SCP2: variants seen among roughly 807,000 people sequenced by gnomAD.
SCP2 encodes SCP-2/3-oxoacyl-CoA thiolase.
A neutral mutation model predicts 71.4 loss-of-function variants in SCP2; 48 were observed. The ratio of observed to expected loss-of-function variants is 0.67; its 90% CI spans 0.53 to 0.86. The LOEUF is 0.86. SCP2 is among the 40% of genes least tolerant of loss of function. The pLI, the probability that SCP2 is intolerant of heterozygous loss-of-function variation, is 0.00. For missense variants in SCP2, 560 were observed against 655.6 expected (o/e 0.85, Z 1.59); for synonymous variants, 220 against 218.1 (o/e 1.01, Z -0.08).
chr1:52,949,878 C>T (rs1655137586), intron 3 of SCP2, among the ~76,000 whole-genome samples: 1 of 152,170 alleles, frequency 6.6e-6, no homozygotes, highest in Non-Finnish European at 1.5e-5. Context: ...ATAAATTTTG[C>T]TTCTAAGAGA....
At chr1:52,934,592 C>CTTTTTTTTTTTTTTTTTTTTTTTTTTTTT (rs771433635) in intron 1 of SCP2, among the ~76,000 whole-genome samples, 2 of 29,036 alleles carry the variant, frequency 6.9e-5, no homozygotes, top group African/African-American at 1.0e-4. Context: ...TTCCAGCTAA[C>CTTTTTTTTTTTTTTTTTTTTTTTTTTTTT]TTTTTTTTTT....
chr1:52,940,734 T>G (rs573407125), intron 1 of SCP2, among the ~76,000 whole-genome samples: 2 of 152,156 alleles, frequency 1.3e-5, no homozygotes, highest in Admixed American at 6.5e-5. Flanking sequence ...ACTTTTATGT[T>G]CATATCACTT....
At chr1:52,946,110 G>A (rs1453521286) in intron 2 of SCP2, among the ~76,000 whole-genome samples, 1 of 151,362 alleles carries the variant, frequency 6.6e-6, no homozygotes, top group African/African-American at 2.4e-5. Flanking sequence ...TGTATTTTTG[G>A]TAGAGACAGG....
At chr1:53,001,270 AG>A (rs1159827580) in intron 11 of SCP2, among the ~76,000 whole-genome samples, 1 of 152,160 alleles carries the variant, frequency 6.6e-6, no homozygotes, top group Non-Finnish European at 1.5e-5. Context: ...AAGTATGAAG[AG>A]GAGAAAAAGG....
rs185060206 is a variant in SCP2 at position 52,987,900 on chromosome 1, A to G, written c.974-129A>G. ...CTTTTAAAAGTGCTTATGTCAAATTATTGTTAGTTTGAACTGTTAAGAAAT... is the reference window on the plus strand; with the variant it reads ...CTTTTAAAAGTGCTTATGTCAAATTGTTGTTAGTTTGAACTGTTAAGAAAT... On this transcript the variant is annotated intron_variant, in intron 10 of 15. Transcript: ENST00000371514. 2.2e-3 allele frequency: 1,449 copies of G among 655,320 alleles called. 5 individuals are homozygous for G. The highest frequency in any genetic ancestry group is 3.2e-3 in the Non-Finnish European group (1,163 of 360,444). The allele number at this position is 655,320 out of a possible 1,614,324, so 40.6% of individuals were successfully genotyped here.
rs554683342 is a variant in SCP2 at position 52,929,774 on chromosome 1, C to G, written c.69+2309C>G. Reference sequence around the variant, plus strand: ...AGTAGCTGGGACTACAGGTGCCCACCACCACGTCCGGCTAATTTTTTGTAT... The same window carrying G: ...AGTAGCTGGGACTACAGGTGCCCACGACCACGTCCGGCTAATTTTTTGTAT... On this transcript the variant is annotated intron_variant, in intron 1 of 15. Transcript: ENST00000371514. 1.9e-3 allele frequency among the ~76,000 whole-genome samples: 287 copies of G among 152,264 alleles called. 3 individuals carry two copies. Among genetic ancestry groups the G allele is most frequent in the Non-Finnish European group, 1.4e-3 (95 of 68,022 alleles).
At chr1:52,939,814 T>C (rs916668419) in intron 1 of SCP2, among the ~76,000 whole-genome samples, 8 of 152,018 alleles carry the variant, frequency 5.3e-5, no homozygotes, top group African/African-American at 1.9e-4. Flanking sequence ...GGATTATAGG[T>C]GCTGGCCACC....
At chr1:52,991,513 G>T (rs1458152459) in intron 11 of SCP2, among the ~76,000 whole-genome samples, 1 of 151,730 alleles carries the variant, frequency 6.6e-6, no homozygotes, top group Non-Finnish European at 1.5e-5. Context: ...CGATTCTTCT[G>T]CCTCAGCCTC....
intron 12 of SCP2, among the ~76,000 whole-genome samples, chr1:53,015,453 T>A (rs1471260599): frequency 6.6e-6 from 1 of 152,200 alleles, no homozygotes; most frequent in Non-Finnish European, 1.5e-5. Context: ...GATGCTAGAA[T>A]TCTTTTTGTC....
chr1:52,931,081 C>A (rs1173931254), intron 1 of SCP2, among the ~76,000 whole-genome samples: 1 of 152,164 alleles, frequency 6.6e-6, no homozygotes, highest in East Asian at 1.9e-4. Flanking sequence ...TTGGTGCTTT[C>A]CATATCCCAC....
At position 53,050,568 on chromosome 1, in the gene SCP2, C is replaced by CA. The variant is rs747469417; in HGVS notation, c.1549-34dup. The CA allele has an allele frequency of 1.2e-5, 16 of 1,360,400 alleles. No individual in the cohort carries two copies. The East Asian group carries it at 2.3e-4, about 19-fold the overall frequency. The allele number at this position is 1,360,400 out of a possible 1,614,324, so 84.3% of individuals were successfully genotyped here. ...TGTAGAAACATCAGCAATCTTAAAACAAAAAAACACCAAGTAATGAATTTT... is the reference window on the plus strand; with the variant it reads ...TGTAGAAACATCAGCAATCTTAAAACAAAAAAAACACCAAGTAATGAATTTT... On this transcript the variant is annotated intron_variant, in intron 15 of 15. Transcript: ENST00000371514.
intron 11 of SCP2, chr1:52,993,632 C>G: frequency 2.5e-6 from 4 of 1,612,426 alleles, no homozygotes; most frequent in Non-Finnish European, 2.5e-6. Context: ...CCGGGCTGCT[C>G]TGTCATCTAT....
intron 11 of SCP2, among the ~76,000 whole-genome samples, chr1:53,010,456 G>A (rs186604579): frequency 0.013 from 1,961 of 151,470 alleles, 50 homozygotes; most frequent in African/African-American, 0.045. Flanking sequence ...CCATAAAAAA[G>A]GATGAGTTCA....
At chr1:53,020,357 C>T (rs1407091421) in intron 12 of SCP2, among the ~76,000 whole-genome samples, 1 of 152,166 alleles carries the variant, frequency 6.6e-6, no homozygotes, top group East Asian at 1.9e-4. Context: ...ATTGTAGTTG[C>T]TCAATAAACT....
intron 6 of SCP2, among the ~76,000 whole-genome samples, chr1:52,967,360 C>A (rs1166200504): frequency 6.6e-6 from 1 of 151,482 alleles, no homozygotes; most frequent in Non-Finnish European, 1.5e-5. Context: ...CATTCTATAT[C>A]CAATGGGGCC....
At chr1:53,014,485 G>A (rs1029568781) in intron 11 of SCP2, among the ~76,000 whole-genome samples, 2 of 146,488 alleles carry the variant, frequency 1.4e-5, no homozygotes, top group African/African-American at 5.5e-5. Flanking sequence ...ACAACTCATT[G>A]TTGTTGGGAA....
At chr1:52,958,355 G>A (rs146794619) in intron 5 of SCP2, among the ~76,000 whole-genome samples, 10 of 151,206 alleles carry the variant, frequency 6.6e-5, no homozygotes, top group Non-Finnish European at 1.3e-4. Flanking sequence ...TTCAACCTCC[G>A]AAGTAACTGG....
intron 11 of SCP2, among the ~76,000 whole-genome samples, chr1:53,013,882 C>CTTTTTTTTTTTT: frequency 1.6e-5 from 1 of 63,056 alleles, no homozygotes; most frequent in Non-Finnish European, 3.3e-5. Flanking sequence ...ATAGAACATT[C>CTTTTTTTTTTTT]TTTTTTTTTT....
chr1:52,935,897 C>A (rs1043248178), intron 1 of SCP2, among the ~76,000 whole-genome samples: 7 of 152,018 alleles, frequency 4.6e-5, no homozygotes, highest in Admixed American at 4.6e-4. Flanking sequence ...ATGTTCATGG[C>A]ACTGTACTGC....
Sources: gnomAD v4.1 joint callset for allele counts (sites outside exome capture counted in the v4.1 genomes callset) on GRCh38, gnomAD v4.1.1 for gene constraint, MANE v1.5 for transcripts, NCBI Gene and HGNC (gene_info 2026-07-23, HGNC 2026-07-21) for gene names.